Variants in KLHL13 observed in about 807,000 individuals in gnomAD.
KLHL13 encodes kelch like family member 13.
Under a neutral mutation model 37.1 loss-of-function variants are expected in KLHL13, and 10 were observed. The ratio of observed to expected loss-of-function variants is 0.27; its 90% confidence interval spans 0.17 to 0.46. The LOEUF is 0.46. Ranked by LOEUF, KLHL13 falls within the 20% of genes least tolerant of loss-of-function variation. The probability of loss-of-function intolerance (pLI) is 1.00; values close to 1 mark genes in which losing one functional copy is unlikely to be tolerated. For synonymous variants in KLHL13, 163 were observed against 181.2 expected (o/e 0.90, Z 0.81); for missense variants, 360 against 509.3 (o/e 0.71, Z 2.82).
chrX:118,105,942 C>T (rs185220476), intron 1 of KLHL13, among the ~76,000 whole-genome samples: 2 of 92,169 alleles, frequency 2.2e-5, no homozygotes, highest in African/African-American at 8.4e-5. Context: ...CGCTCTGTCG[C>T]CCAGGCTGGA....
intron 1 of KLHL13, among the ~76,000 whole-genome samples, chrX:118,035,126 G>A (rs1328890829): frequency 4.8e-5 from 5 of 104,645 alleles, no homozygotes; most frequent in Non-Finnish European, 9.5e-5. Context: ...AAAGAGTCCA[G>A]GACCAGATGG....
In KLHL13 at chrX:118,073,022, A is replaced by C. The variant is rs375427937; in HGVS notation, c.-56+43486T>G. Among the ~76,000 whole-genome samples the C allele has an allele frequency of 1.5e-3, 162 of 108,575 alleles. 2 individuals carry two copies. The highest frequency in any genetic ancestry group is 5.3e-3 in the African/African-American group (157 of 29,771). The allele number at this position is 108,575 out of a possible 115,157, so 94.3% of individuals were successfully genotyped here. A position where few individuals can be genotyped will look rare whatever the true frequency, so the allele number is the denominator to read the frequency against. ...GGTGGGAGAATTGCTTGAGCCCTGG[A>C]GGTCAAGGCTTCAGCGAACCAAGAC... On this transcript the variant is annotated intron_variant, in intron 1 of 6. Transcript: ENST00000371882.
upstream of KLHL13, among the ~76,000 whole-genome samples, chrX:117,975,902 G>C (rs1182539039): frequency 1.8e-5 from 2 of 111,491 alleles, no homozygotes; most frequent in Non-Finnish European, 3.8e-5. Context: ...TCTTCTATAA[G>C]AATATCCTTC....
intron 1 of KLHL13, among the ~76,000 whole-genome samples, chrX:117,994,947 C>T (rs368187682): frequency 4.5e-5 from 5 of 111,519 alleles, no homozygotes; most frequent in African/African-American, 1.6e-4. Context: ...GTGAGGGACG[C>T]TGAGGTGGGA....
intron 1 of KLHL13, among the ~76,000 whole-genome samples, chrX:118,059,772 C>T (rs910304759): frequency 3.0e-4 from 33 of 111,086 alleles, no homozygotes; most frequent in Admixed American, 5.8e-4. Context: ...GCTACACTGA[C>T]CTACAATATA....
chrX:118,008,942 T>C (rs1194903905), intron 1 of KLHL13, among the ~76,000 whole-genome samples: 1 of 111,805 alleles, frequency 8.9e-6, no homozygotes, highest in Non-Finnish European at 1.9e-5. Context: ...TAGTACAAAG[T>C]AACGCTATTT....
chrX:117,968,333 G>A lies in KLHL13; in HGVS notation c.98+4398C>T, dbSNP rs570868500. On this transcript the variant is annotated intron_variant, in intron 1 of 6. Coordinates refer to ENST00000262820, the Ensembl canonical transcript of KLHL13. Reference sequence around the variant, plus strand: ...ACAGTGTTCAAGAAGGACATGCAATGCCATCTTCGAGAGGTGTCATGGAAT... The same window carrying A: ...ACAGTGTTCAAGAAGGACATGCAATACCATCTTCGAGAGGTGTCATGGAAT... Among the ~76,000 whole-genome samples the A allele has an allele frequency of 1.8e-4, 20 of 111,686 alleles. No individual in the cohort carries two copies. The South Asian group carries it at 6.8e-3, about 38-fold the overall frequency.
At chrX:117,908,202 TTCTG>T (rs1471468967) in intron 5 of KLHL13, among the ~76,000 whole-genome samples, 238 of 108,543 alleles carry the variant, frequency 2.2e-3, no homozygotes, top group African/African-American at 7.0e-3. Context: ...CTTTCTTCCT[TTCTG>T]TCTTTCTGTC....
At chrX:118,054,365 T>C (rs1377500590) in intron 1 of KLHL13, among the ~76,000 whole-genome samples, 1 of 111,475 alleles carries the variant, frequency 9.0e-6, no homozygotes, top group Non-Finnish European at 1.9e-5. Flanking sequence ...TATTATTAAG[T>C]TCCAAGTAAC....
intron 1 of KLHL13, among the ~76,000 whole-genome samples, chrX:118,069,731 A>T (rs761218835): frequency 8.9e-6 from 1 of 112,083 alleles, no homozygotes; most frequent in East Asian, 2.8e-4. Flanking sequence ...AAAAGTGTAC[A>T]AAGTAAAAAG....
At chrX:118,029,035 T>C (rs1313613534) in intron 1 of KLHL13, among the ~76,000 whole-genome samples, 1 of 111,232 alleles carries the variant, frequency 9.0e-6, no homozygotes, top group Admixed American at 9.7e-5. Flanking sequence ...AAAAACATAG[T>C]ATATATAGGG....
At chrX:118,104,711 T>C (rs2055327215) in intron 1 of KLHL13, among the ~76,000 whole-genome samples, 1 of 111,782 alleles carries the variant, frequency 8.9e-6, no homozygotes, top group Non-Finnish European at 1.9e-5. Context: ...AACATTTTGA[T>C]AGACAAGCAG....
At chrX:117,941,356 GAGTT>G (rs1933021609) in intron 2 of KLHL13, among the ~76,000 whole-genome samples, 1 of 111,843 alleles carries the variant, frequency 8.9e-6, no homozygotes, top group Admixed American at 9.5e-5. Context: ...CTCATAAAAA[GAGTT>G]AGGGAATATT....
At chrX:118,042,297 C>T (rs954236420) in intron 1 of KLHL13, among the ~76,000 whole-genome samples, 1 of 111,424 alleles carries the variant, frequency 9.0e-6, no homozygotes, top group South Asian at 3.7e-4. Context: ...GGACACATCA[C>T]CCAGACTGAA....
intron 1 of KLHL13, among the ~76,000 whole-genome samples, chrX:118,070,436 T>C (rs1176552983): frequency 8.9e-6 from 1 of 112,225 alleles, no homozygotes; most frequent in Admixed American, 9.4e-5. Context: ...TTAGCATAAT[T>C]GCACAGTAAC....
exon 7 of KLHL13, chrX:117,898,774 T>C (rs950712669): frequency 2.2e-5 from 16 of 716,487 alleles, no homozygotes; most frequent in Admixed American, 3.3e-5. Flanking sequence ...AACATCAATG[T>C]TGTCTTTTTT....
chrX:118,101,712 G>A (rs2055291238), intron 1 of KLHL13, among the ~76,000 whole-genome samples: 1 of 111,197 alleles, frequency 9.0e-6, no homozygotes, highest in East Asian at 2.8e-4. Context: ...ATCCCCATGT[G>A]TCAAGGGAGG....
At chrX:118,052,529 A>AT (rs1398532359) in intron 1 of KLHL13, among the ~76,000 whole-genome samples, 1 of 102,899 alleles carries the variant, frequency 9.7e-6, no homozygotes, top group Non-Finnish European at 2.0e-5. Context: ...CTCAAAAAAA[A>AT]AAAAAAAAGT....
At chrX:118,080,599 G>A (rs2054980562) in intron 1 of KLHL13, among the ~76,000 whole-genome samples, 1 of 111,985 alleles carries the variant, frequency 8.9e-6, no homozygotes, top group Non-Finnish European at 1.9e-5. Context: ...TTATTAAAAA[G>A]TAAAAGAACA....
Sources: gnomAD v4.1 joint callset for allele counts (sites outside exome capture counted in the v4.1 genomes callset) on GRCh38, gnomAD v4.1.1 for gene constraint, MANE v1.5 for transcripts, NCBI Gene and HGNC (gene_info 2026-07-23, HGNC 2026-07-21) for gene names.